Variants in MYBL1 observed in about 807,000 individuals in gnomAD.
MYBL1 encodes the protein myb-related protein A.
Under a neutral mutation model 96.3 loss-of-function variants are expected in MYBL1, and 17 were observed. That is an observed-to-expected ratio of 0.18 (90% CI 0.12 to 0.26). MYBL1 has a LOEUF of 0.26. Among genes scored for constraint, MYBL1 ranks in the 10% least tolerant of loss-of-function variants. The pLI, the probability that MYBL1 is intolerant of heterozygous loss-of-function variation, is 1.00. For missense variants in MYBL1, 701 were observed against 882.9 expected (o/e 0.79, Z 2.61); for synonymous variants, 282 against 292.7 (o/e 0.96, Z 0.37).
chr8:66,576,062 C>A lies in MYBL1; in HGVS notation c.1415G>T (p.Gly472Val). Residue 472 changes from glycine (G) to valine (V), a missense_variant, in exon 10 of 16, where the codon GGT (glycine) becomes GTT (valine). Gly to Val is a moderately radical substitution (Grantham distance 109, BLOSUM62 -3). This residue lies in a region of MYBL1 where 396 missense variants were observed against 407.4 expected (regional missense o/e 0.97). Coordinates refer to ENST00000522677, the MANE Select transcript of MYBL1 (RefSeq NM_001080416.4). Reference protein sequence around the residue: ...ELRDGSLNDGGNMALKHTPLK... With the variant: ...ELRDGSLNDGVNMALKHTPLK... The stretch of plus-strand genomic sequence containing the variant: ...TGGTGTATGTTTTAGCGCCATATTA[C>A]CACCATCGTTCAATGAGCCATCCCT... 6.2e-7 allele frequency: 1 copy of A among 1,613,904 alleles called. No homozygotes were observed. Among genetic ancestry groups the A allele is most frequent in the Non-Finnish European group, 8.5e-7 (1 of 1,179,848 alleles).
At chr8:66,579,482 C>T (rs1377900479) in intron 9 of MYBL1, among the ~76,000 whole-genome samples, 1 of 151,660 alleles carries the variant, frequency 6.6e-6, no homozygotes, top group African/African-American at 2.4e-5. Flanking sequence ...CATGATGAAA[C>T]CCCATCTCCA....
chr8:66,570,164 C>A (rs1586552424), intron 12 of MYBL1, among the ~76,000 whole-genome samples: 1 of 152,094 alleles, frequency 6.6e-6, no homozygotes, highest in East Asian at 1.9e-4. Flanking sequence ...ATTGCTGATG[C>A]AAATAATCTA....
intron 12 of MYBL1, among the ~76,000 whole-genome samples, chr8:66,571,395 G>A (rs1808721586): frequency 6.6e-6 from 1 of 151,984 alleles, no homozygotes; most frequent in Non-Finnish European, 1.5e-5. Flanking sequence ...AACAATTTGG[G>A]GTGTGTTTTA....
At chr8:66,585,959 C>A (rs1809400581) in intron 8 of MYBL1, among the ~76,000 whole-genome samples, 1 of 148,102 alleles carries the variant, frequency 6.8e-6, no homozygotes, top group Non-Finnish European at 1.5e-5. Context: ...TATTAACCAA[C>A]AAAGGATTAA....
At chr8:66,604,893 T>C (rs540689321) in intron 1 of MYBL1, among the ~76,000 whole-genome samples, 2 of 152,146 alleles carry the variant, frequency 1.3e-5, no homozygotes, top group East Asian at 3.9e-4. Flanking sequence ...AAACAGAACT[T>C]TGGGAGAGAG....
chr8:66,595,239 C>T (rs535910806), intron 6 of MYBL1, among the ~76,000 whole-genome samples: 1 of 152,200 alleles, frequency 6.6e-6, no homozygotes, highest in Non-Finnish European at 1.5e-5. Flanking sequence ...ATACCTACCT[C>T]TTAGAGATAA....
rs533391980 is a variant in MYBL1, at chr8:66,572,382, A to C, written c.1728+100T>G. 9.1e-4 allele frequency: 545 copies of C among 601,528 alleles called. 1 individual carries two copies. The African/African-American group carries it at 9.3e-3, about 10-fold the overall frequency. The allele number at this position is 601,528 out of a possible 1,614,324, so 37.3% of individuals were successfully genotyped here. On this transcript the variant is annotated intron_variant, in intron 12 of 15. Transcript: ENST00000522677. The stretch of plus-strand genomic sequence containing the variant: ...ATAAAGCTTTGTATCTGTTTCAGTA[A>C]ATATCTTTTTTTAAATGTTAAAAAT...
rs1180116560 is a variant in MYBL1, at chr8:66,613,005, G to C, written c.-167C>G. 3 of 780,690 alleles carry C rather than the reference G, an allele frequency of 3.8e-6. No homozygotes were observed. Among genetic ancestry groups the C allele is most frequent in the Non-Finnish European group, 5.3e-6 (3 of 565,778 alleles). 48.4% of individuals were successfully genotyped at this position (780,690 alleles called of 1,614,324 possible). ...CGACAGGGCAGGACGGAGGGACAGCGGGGGCGGACCGCGACCCGACCCCGA... is the reference window on the plus strand; with the variant it reads ...CGACAGGGCAGGACGGAGGGACAGCCGGGGCGGACCGCGACCCGACCCCGA... On this transcript the variant is annotated 5_prime_UTR_variant, in exon 1 of 16. Transcript: ENST00000522677.
intron 1 of MYBL1, chr8:66,612,583 G>A: frequency 4.9e-6 from 2 of 410,304 alleles, no homozygotes; most frequent in Non-Finnish European, 8.4e-6. Context: ...TACGGGGAGA[G>A]TCACCGAGAA....
chr8:66,574,936 C>T (rs1241001275), intron 10 of MYBL1, among the ~76,000 whole-genome samples: 10 of 152,198 alleles, frequency 6.6e-5, no homozygotes, highest in Admixed American at 6.5e-4. Context: ...TGCCTGTAAT[C>T]CCAGCTACTC....
At position 66,564,210 on chromosome 8, in the gene MYBL1, C is replaced by G. The variant is rs967608758; in HGVS notation, c.*487G>C. The G allele has an allele frequency of 6.6e-6, 1 of 151,466 alleles. No individual in the cohort carries two copies. Among genetic ancestry groups the G allele is most frequent in the African/African-American group, 2.4e-5 (1 of 41,212 alleles). 9.4% of individuals were successfully genotyped at this position (151,466 alleles called of 1,614,324 possible). A position where few individuals can be genotyped will look rare whatever the true frequency, so the allele number is the denominator to read the frequency against. On this transcript the variant is annotated 3_prime_UTR_variant, in exon 16 of 16. Coordinates refer to ENST00000522677, the MANE Select transcript of MYBL1 (RefSeq NM_001080416.4). ...AAAAATTAGTAGTGCAACTTTCTAT[C>G]CTTCCTTTAAATTCCTTTTCAATGT...
At chr8:66,589,337 G>C (rs1809545086) in intron 8 of MYBL1, among the ~76,000 whole-genome samples, 1 of 150,076 alleles carries the variant, frequency 6.7e-6, no homozygotes, top group African/African-American at 2.5e-5. Context: ...TTTTGAGACA[G>C]GTTCTTGCTC....
intron 8 of MYBL1, among the ~76,000 whole-genome samples, chr8:66,587,535 T>C (rs1398560838): frequency 6.6e-6 from 1 of 152,196 alleles, no homozygotes. Context: ...TTTTCTAGTG[T>C]TTTATAATTA....
chr8:66,597,712 C>T (rs1465105892), intron 4 of MYBL1, among the ~76,000 whole-genome samples, 162 bp from the exon 5 acceptor site: 1 of 151,830 alleles, frequency 6.6e-6, no homozygotes, highest in Non-Finnish European at 1.5e-5. Context: ...TTGCCAGCTT[C>T]AAAAATTGAT....
chr8:66,601,761 T>G lies in MYBL1; in HGVS notation c.135A>C (p.Lys45Asn). 1 of 1,518,710 alleles carries G rather than the reference T, an allele frequency of 6.6e-7. No individual in the cohort carries two copies. The highest frequency in any genetic ancestry group is 8.9e-7 in the Non-Finnish European group (1 of 1,118,996). The allele number at this position is 1,518,710 out of a possible 1,614,324, so 94.1% of individuals were successfully genotyped here. A position where few individuals can be genotyped will look rare whatever the true frequency, so the allele number is the denominator to read the frequency against. ...CATGTTGTTCAACCAACTTCTTTAA[T>G]TTATCATCCTATTAAAACAGTACAA... The part of the protein sequence containing the change: ...RVKWTRDEDD[K>N]LKKLVEQHGT... Residue 45 changes from lysine to asparagine, a missense_variant, in exon 3 of 16, where the codon AAA becomes AAC. Lys to Asn is a moderately conservative substitution (Grantham distance 94, BLOSUM62 0). This residue lies in a region of MYBL1 where 68 missense variants were observed against 93.8 expected (regional missense o/e 0.72). Transcript: ENST00000522677.
chr8:66,569,481 C>G lies in MYBL1; in HGVS notation c.1729-2489G>C, dbSNP rs555888495. On this transcript the variant is annotated intron_variant, in intron 12 of 15. Coordinates refer to ENST00000522677, the MANE Select transcript of MYBL1 (RefSeq NM_001080416.4). ...CCTCCCACTTCAGTCTCCCAAGTAG[C>G]TAGAGCCACAGGTGCACACCACCAT... 3.2e-3 allele frequency among the ~76,000 whole-genome samples: 486 copies of G among 152,082 alleles called. 5 individuals are homozygous for G. The highest frequency in any genetic ancestry group is 7.7e-4 in the East Asian group (4 of 5,180).
intron 1 of MYBL1, among the ~76,000 whole-genome samples, chr8:66,604,700 G>C (rs568477492): frequency 5.5e-4 from 84 of 152,132 alleles, no homozygotes; most frequent in Non-Finnish European, 9.7e-4. Flanking sequence ...GATCAACCAA[G>C]GTAATGATAT....
At chr8:66,579,181 GTAAC>G (rs1484626134) in intron 9 of MYBL1, among the ~76,000 whole-genome samples, 1 of 151,670 alleles carries the variant, frequency 6.6e-6, no homozygotes, top group African/African-American at 2.4e-5. Flanking sequence ...GTATACATAT[GTAAC>G]TAACCTGCAT....
intron 1 of MYBL1, among the ~76,000 whole-genome samples, chr8:66,603,993 GAA>G: frequency 6.6e-6 from 1 of 150,652 alleles, no homozygotes; most frequent in South Asian, 2.1e-4. Context: ...AGAATGGCAA[GAA>G]AAGTTTTAAA....
Sources: gnomAD v4.1 joint callset for allele counts (sites outside exome capture counted in the v4.1 genomes callset) on GRCh38, gnomAD v4.1.1 for gene constraint, gnomAD v4.1.1 regional missense constraint, MANE v1.5 for transcripts, NCBI Gene and HGNC (gene_info 2026-07-23, HGNC 2026-07-21) for gene names.